CACNG3: variants seen among roughly 807,000 people sequenced by gnomAD.
CACNG3 encodes calcium voltage-gated channel auxiliary subunit gamma 3.
Under a neutral mutation model 28.5 loss-of-function variants are expected in CACNG3, and 3 were observed. The ratio of observed to expected loss-of-function variants is 0.11; its 90% confidence interval spans 0.05 to 0.27. The LOEUF (loss-of-function observed/expected upper bound fraction) is 0.27. Ranked by LOEUF, CACNG3 falls within the 10% of genes least tolerant of loss-of-function variation. The pLI, the probability that CACNG3 is intolerant of heterozygous loss-of-function variation, is 1.00. For missense variants in CACNG3, 236 were observed against 414.4 expected (o/e 0.57, Z 3.74); for synonymous variants, 174 against 162.2 (o/e 1.07, Z -0.55).
intron 1 of CACNG3, among the ~76,000 whole-genome samples, chr16:24,319,201 G>A (rs1899424656): frequency 6.6e-6 from 1 of 152,178 alleles, no homozygotes; most frequent in South Asian, 2.1e-4. Flanking sequence ...ACGTTTATTA[G>A]GGAATAGGCA....
chr16:24,328,010 C>T (rs1899580971), intron 1 of CACNG3, among the ~76,000 whole-genome samples: 1 of 152,134 alleles, frequency 6.6e-6, no homozygotes, highest in South Asian at 2.1e-4. Flanking sequence ...ATTCATTTGT[C>T]CACTTGTTTA....
At chr16:24,297,324 C>A (rs1899045641) in intron 1 of CACNG3, among the ~76,000 whole-genome samples, 1 of 151,982 alleles carries the variant, frequency 6.6e-6, no homozygotes, top group Non-Finnish European at 1.5e-5. Flanking sequence ...CTGTCCCCCT[C>A]CTCCAGACCA....
At chr16:24,357,440 A>G (rs1234867510) in intron 3 of CACNG3, among the ~76,000 whole-genome samples, 1 of 152,064 alleles carries the variant, frequency 6.6e-6, no homozygotes. Context: ...GCACAATATT[A>G]TTTTCTAGTA....
chr16:24,337,842 G>A (rs1899732158), intron 1 of CACNG3, among the ~76,000 whole-genome samples: 1 of 151,466 alleles, frequency 6.6e-6, no homozygotes, highest in Admixed American at 6.6e-5. Flanking sequence ...GGCTGACCTT[G>A]GTCCATGTCC....
At chr16:24,335,499 T>C (rs1209192496) in intron 1 of CACNG3, among the ~76,000 whole-genome samples, 1 of 152,236 alleles carries the variant, frequency 6.6e-6, no homozygotes, top group African/African-American at 2.4e-5. Flanking sequence ...ATACTTCCCA[T>C]GTGCTAAGCA....
chr16:24,329,332 G>A (rs1346916923), intron 1 of CACNG3, among the ~76,000 whole-genome samples: 1 of 152,190 alleles, frequency 6.6e-6, no homozygotes, highest in South Asian at 2.1e-4. Context: ...GAGCAAATCT[G>A]TTAGTGCTGG....
chr16:24,291,327 C>T (rs1009556263), intron 1 of CACNG3, among the ~76,000 whole-genome samples: 1 of 152,196 alleles, frequency 6.6e-6, no homozygotes, highest in Non-Finnish European at 1.5e-5. Context: ...TCCCACAACC[C>T]TTGCTGGATA....
At chr16:24,282,564 C>T (rs924233588) in intron 1 of CACNG3, among the ~76,000 whole-genome samples, 10 of 152,082 alleles carry the variant, frequency 6.6e-5, no homozygotes, top group Admixed American at 2.0e-4. Flanking sequence ...CATGAGCCAC[C>T]GTGCCCAGCC....
chr16:24,306,135 T>G (rs1467966711), intron 1 of CACNG3, among the ~76,000 whole-genome samples: 1 of 152,200 alleles, frequency 6.6e-6, no homozygotes, highest in African/African-American at 2.4e-5. Flanking sequence ...ATTCACCCAG[T>G]TACACCACAA....
intron 1 of CACNG3, among the ~76,000 whole-genome samples, chr16:24,296,519 C>A (rs1467937141): frequency 1.4e-5 from 2 of 141,624 alleles, no homozygotes; most frequent in East Asian, 4.0e-4. Flanking sequence ...CTGAACCATT[C>A]TCTGGAGAGG....
intron 1 of CACNG3, among the ~76,000 whole-genome samples, chr16:24,329,172 T>TTA (rs1899600571): frequency 6.6e-6 from 1 of 152,148 alleles, no homozygotes; most frequent in Non-Finnish European, 1.5e-5. Flanking sequence ...CAGAACTAAA[T>TTA]CCCAGTGTGG....
intron 1 of CACNG3, among the ~76,000 whole-genome samples, chr16:24,298,092 T>G (rs1899056854): frequency 6.6e-6 from 1 of 152,128 alleles, no homozygotes; most frequent in African/African-American, 2.4e-5. Context: ...AAAATTCGTT[T>G]GAAAGGTACA....
rs1898460850 is a variant in CACNG3, at chr16:24,256,402, C to T, written c.-353C>T. 2.5e-5 allele frequency: 7 copies of T among 284,604 alleles called. No individual in the cohort carries two copies. In the South Asian group the frequency reaches 3.4e-4, roughly 14 times the overall value. The allele number at this position is 284,604 out of a possible 1,614,324, so 17.6% of individuals were successfully genotyped here. On this transcript the variant is annotated 5_prime_UTR_variant, in exon 1 of 4. Transcript: ENST00000005284. This position sits in a 1 kb window ranked among gnomAD's most constrained non-coding sequence, Gnocchi z 4.6. Reference sequence around the variant, plus strand: ...TCCCGGGGCTGTGAGAAGCCAGGCGCATCTCAAACCGAGCTGGCAGCTCCA... The same window carrying T: ...TCCCGGGGCTGTGAGAAGCCAGGCGTATCTCAAACCGAGCTGGCAGCTCCA...
intron 3 of CACNG3, among the ~76,000 whole-genome samples, chr16:24,356,916 TG>T (rs1156879578): frequency 6.6e-6 from 1 of 152,006 alleles, no homozygotes; most frequent in Non-Finnish European, 1.5e-5. Flanking sequence ...TGTCTTAACA[TG>T]GCAGCAGGCA....
chr16:24,283,807 T>C (rs1898861065), intron 1 of CACNG3, among the ~76,000 whole-genome samples: 1 of 152,242 alleles, frequency 6.6e-6, no homozygotes, highest in Non-Finnish European at 1.5e-5. Context: ...TATACAAACC[T>C]GGTCATCTGC....
At chr16:24,283,044 A>G (rs1317725163) in intron 1 of CACNG3, among the ~76,000 whole-genome samples, 3 of 151,792 alleles carry the variant, frequency 2.0e-5, no homozygotes, top group Admixed American at 6.6e-5. Context: ...AATTTTTTGT[A>G]TTTTTAGTAG....
intron 3 of CACNG3, among the ~76,000 whole-genome samples, chr16:24,355,212 A>G (rs1053936221): frequency 5.3e-5 from 8 of 152,154 alleles, no homozygotes; most frequent in African/African-American, 1.9e-4. Context: ...CTGAGATTGA[A>G]AGAGAGAGAG....
At chr16:24,268,801 A>G (rs780956036) in intron 1 of CACNG3, among the ~76,000 whole-genome samples, 2 of 152,214 alleles carry the variant, frequency 1.3e-5, no homozygotes, top group Non-Finnish European at 2.9e-5. Flanking sequence ...CATCAGGTCC[A>G]TGGCTGTTCC....
chr16:24,359,259 T>C (rs1435634582), intron 3 of CACNG3, among the ~76,000 whole-genome samples: 1 of 152,114 alleles, frequency 6.6e-6, no homozygotes, highest in Non-Finnish European at 1.5e-5. Flanking sequence ...TCATGTGAAG[T>C]CTGCCTTCTC....
Sources: allele counts gnomAD v4.1 joint callset (sites outside exome capture counted in the v4.1 genomes callset), GRCh38; gene constraint gnomAD v4.1.1; non-coding constraint Gnocchi (gnomAD v3.1); transcripts MANE v1.5; gene names NCBI Gene and HGNC (gene_info 2026-07-23, HGNC 2026-07-21).